Variants in GLIS3 observed in about 807,000 individuals in gnomAD.
GLIS3 encodes the protein zinc finger protein GLIS3.
In GLIS3, 53 loss-of-function variants were observed where a neutral mutation model predicts 78.6. The ratio of observed to expected loss-of-function variants is 0.67; its 90% CI spans 0.54 to 0.85. The LOEUF is 0.85. GLIS3 is among the 40% of genes least tolerant of loss of function. The pLI is 0.00. For synonymous variants in GLIS3, 684 were observed against 509.9 expected (o/e 1.34, Z -4.60); for missense variants, 1,703 against 1,231.1 (o/e 1.38, Z -5.74).
At chr9:3,932,672 C>A in intron 5 of GLIS3, 1 of 534,362 alleles carries the variant, frequency 1.9e-6, no homozygotes, top group Non-Finnish European at 3.4e-6. Flanking sequence ...TTTCAAGGAA[C>A]AAAGAGATGC....
the GLIS3 span, among the ~76,000 whole-genome samples, chr9:4,376,601 G>A: frequency 1.5e-5 from 2 of 134,768 alleles, no homozygotes; most frequent in Admixed American, 7.4e-5. Context: ...AGTTGGTTCC[G>A]TCCTAATATG....
Position 4,247,731 on chromosome 9 carries a change from G to C in GLIS3, c.388+38307C>G, listed in dbSNP as rs184483997. Among the ~76,000 whole-genome samples, 9 of 152,236 alleles carry C rather than the reference G, an allele frequency of 5.9e-5. No individual in the cohort carries two copies. The East Asian group carries it at 1.7e-3, about 29-fold the overall frequency. On this transcript the variant is annotated intron_variant, in intron 2 of 10. Transcript: ENST00000381971. ...CTTGTAGATTATGATAGTATACTGAGAAAATCCCAAGATTATAAACCGAAA... is the reference window on the plus strand; with the variant it reads ...CTTGTAGATTATGATAGTATACTGACAAAATCCCAAGATTATAAACCGAAA...
chr9:4,342,999 T>C (rs1056434391), intron 2 of GLIS3, among the ~76,000 whole-genome samples: 8 of 152,118 alleles, frequency 5.3e-5, no homozygotes, highest in Admixed American at 3.3e-4. Flanking sequence ...TTTGGGCATA[T>C]GAAAAAATGT....
At chr9:3,963,052 A>T (rs2028798) in intron 4 of GLIS3, among the ~76,000 whole-genome samples, 20,626 of 151,978 alleles carry the variant, frequency 0.14, 1,819 homozygotes, top group East Asian at 0.49. Context: ...TTAGGCTCAA[A>T]AACGAAAAGG....
rs1269191241 is a variant in GLIS3, at chr9:4,186,981, C to A, written c.389-61040G>T. ...TCTGACGGTAGTTTCTTTTGCTGTG[C>A]AGAAGCTCTTTAGTTTAATTAGATC... On this transcript the variant is annotated intron_variant, in intron 2 of 10. Transcript: ENST00000381971. 9.2e-5 allele frequency among the ~76,000 whole-genome samples: 14 copies of A among 152,264 alleles called. No individual in the cohort carries two copies. The East Asian group carries it at 2.7e-3, about 29-fold the overall frequency.
chr9:4,441,899 G>A, the GLIS3 span, among the ~76,000 whole-genome samples: 8 of 152,090 alleles, frequency 5.3e-5, no homozygotes, highest in African/African-American at 9.7e-5. Context: ...GCCACCCACC[G>A]CACCTGGCCA....
chr9:3,869,266 G>GGTGTGTGT lies in GLIS3; in HGVS notation c.2297+10153_2297+10160dup, dbSNP rs58818313. Among the ~76,000 whole-genome samples, 525 of 151,256 alleles carry GGTGTGTGT rather than the reference G, an allele frequency of 3.5e-3. 1 individual carries two copies. The highest frequency in any genetic ancestry group is 0.01 in the Middle Eastern group (3 of 290). On this transcript the variant is annotated intron_variant, in intron 8 of 10. Transcript: ENST00000381971. The stretch of plus-strand genomic sequence containing the variant: ...AAGAGAGTGAGAAAAAATTATCTAG[G>GGTGTGTGT]GTGTGTGTGTGTGTGTGTGTGTGTG...
chr9:3,930,080 T>C (rs1413855975), intron 6 of GLIS3, among the ~76,000 whole-genome samples: 1 of 152,224 alleles, frequency 6.6e-6, no homozygotes, highest in African/African-American at 2.4e-5. Context: ...ACATTTCCTT[T>C]TTCTGTTGGA....
chr9:4,382,927 G>T, the GLIS3 span, among the ~76,000 whole-genome samples: 1 of 152,090 alleles, frequency 6.6e-6, no homozygotes, highest in Non-Finnish European at 1.5e-5. Flanking sequence ...CCCAGGGAAG[G>T]GCATCTCACA....
intron 4 of GLIS3, among the ~76,000 whole-genome samples, chr9:4,079,755 A>G (rs917035550): frequency 6.6e-6 from 1 of 151,984 alleles, no homozygotes; most frequent in South Asian, 2.1e-4. Flanking sequence ...AAAAAAAAAA[A>G]AAAAGAAAAA....
rs553813054 is a variant in GLIS3, at chr9:4,241,613, TA to T, written c.388+44424del. 2.0e-5 allele frequency among the ~76,000 whole-genome samples: 3 copies of T among 152,256 alleles called. No homozygotes were observed. In the East Asian group the frequency reaches 5.8e-4, roughly 29 times the overall value. On this transcript the variant is annotated intron_variant, in intron 2 of 10. Coordinates refer to ENST00000381971, the MANE Select transcript of GLIS3 (RefSeq NM_001042413.2). ...AATATGTACAGCTATTATCAATTTT[TA>T]AAAAAAATTTAATGCAAGGGAATTT...
chr9:4,188,519 T>A (rs1367444699), intron 2 of GLIS3, among the ~76,000 whole-genome samples: 1 of 150,826 alleles, frequency 6.6e-6, no homozygotes, highest in Non-Finnish European at 1.5e-5. Flanking sequence ...ATAAAATGAG[T>A]CAGGGAGGAT....
chr9:4,004,201 A>G (rs763152306), intron 4 of GLIS3, among the ~76,000 whole-genome samples: 1 of 152,226 alleles, frequency 6.6e-6, no homozygotes, highest in Non-Finnish European at 1.5e-5. Flanking sequence ...AAGGGAATGA[A>G]TTAAAAATAT....
the GLIS3 span, among the ~76,000 whole-genome samples, chr9:4,371,284 A>T: frequency 1.3e-5 from 2 of 152,162 alleles, no homozygotes; most frequent in African/African-American, 4.8e-5. Context: ...AAGTAACCAT[A>T]GTGCACTGTA....
chr9:3,917,335 A>G (rs1205289849), intron 6 of GLIS3, among the ~76,000 whole-genome samples: 2 of 152,224 alleles, frequency 1.3e-5, no homozygotes, highest in Non-Finnish European at 2.9e-5. Context: ...TGAACAGTGC[A>G]CTCAGCTGAG....
At chr9:3,935,334 A>G (rs973065416) in intron 5 of GLIS3, among the ~76,000 whole-genome samples, 2 of 152,068 alleles carry the variant, frequency 1.3e-5, no homozygotes, top group African/African-American at 2.4e-5. Context: ...TTAATAGAGA[A>G]ATAATTTTTC....
intron 2 of GLIS3, among the ~76,000 whole-genome samples, chr9:4,193,987 T>C (rs1818565144): frequency 6.6e-6 from 1 of 152,208 alleles, no homozygotes; most frequent in Non-Finnish European, 1.5e-5. Context: ...TACCTAACAA[T>C]GTTTATGTAA....
the GLIS3 span, among the ~76,000 whole-genome samples, chr9:4,483,821 A>C: frequency 1.3e-5 from 2 of 152,020 alleles, no homozygotes; most frequent in Non-Finnish European, 2.9e-5. Context: ...GACAGGGAAA[A>C]CTTACACAAG....
chr9:4,053,147 C>T (rs1478098075), intron 4 of GLIS3, among the ~76,000 whole-genome samples: 1 of 152,104 alleles, frequency 6.6e-6, no homozygotes, highest in African/African-American at 2.4e-5. Context: ...CAAGATTTTG[C>T]CATGTTGGCC....
Sources: gnomAD v4.1 joint callset for allele counts (sites outside exome capture counted in the v4.1 genomes callset) on GRCh38, gnomAD v4.1.1 for gene constraint, MANE v1.5 for transcripts, NCBI Gene and HGNC (gene_info 2026-07-23, HGNC 2026-07-21) for gene names.